The following ST7 variants were observed in gnomAD, a reference collection of about 807,000 sequenced individuals.
The protein encoded by ST7 is suppression of tumorigenicity 7.
ST7 carries 28 observed loss-of-function variants against 78.7 expected under a neutral mutation model. The observed-to-expected ratio is 0.36, with a 90% CI of 0.26 to 0.49. The LOEUF (loss-of-function observed/expected upper bound fraction) is 0.49, where lower values mean the gene tolerates loss of function less well. ST7 is among the 20% of genes least tolerant of loss of function. ST7 has a pLI of 0.99. For synonymous variants in ST7, 247 were observed against 249.6 expected (o/e 0.99, Z 0.10); for missense variants, 418 against 696.0 (o/e 0.60, Z 4.49).
At chr7:116,966,287 G>A (rs1793111654) in intron 1 of ST7, among the ~76,000 whole-genome samples, 1 of 118,632 alleles carries the variant, frequency 8.4e-6, no homozygotes, top group Non-Finnish European at 1.6e-5. Context: ...GTCTTCCTCT[G>A]TCACCAGGGC....
chr7:117,013,610 C>T (rs991747823), intron 1 of ST7, among the ~76,000 whole-genome samples: 1 of 152,146 alleles, frequency 6.6e-6, no homozygotes, highest in Admixed American at 6.5e-5. Context: ...GGCGGATAAC[C>T]TAAGGTTAGG....
chr7:117,130,679 A>C, intron 5 of ST7, 73 bp downstream of exon 5: 1 of 1,064,960 alleles, frequency 9.4e-7, no homozygotes, highest in Non-Finnish European at 1.4e-6. Flanking sequence ...TGCTTTTAGA[A>C]TATCCACTCT....
At chr7:117,001,397 A>G (rs531254316) in intron 1 of ST7, among the ~76,000 whole-genome samples, 1 of 152,346 alleles carries the variant, frequency 6.6e-6, no homozygotes, top group South Asian at 2.1e-4. Context: ...GCTGTTTTCT[A>G]TTATGGTCCC....
intron 1 of ST7, among the ~76,000 whole-genome samples, chr7:117,064,433 G>A (rs1202462022): frequency 6.6e-6 from 1 of 152,104 alleles, no homozygotes; most frequent in Admixed American, 6.5e-5. Context: ...ATTAACTTGA[G>A]AAAAGTCCCA....
At chr7:117,207,881 T>C (rs2116000836) in intron 12 of ST7, among the ~76,000 whole-genome samples, 2 of 152,284 alleles carry the variant, frequency 1.3e-5, no homozygotes, top group South Asian at 4.1e-4. Context: ...TGCTCTTCCT[T>C]ATCCAACTTA....
At chr7:117,217,675 T>C (rs1792795658) in intron 13 of ST7, among the ~76,000 whole-genome samples, 1 of 152,242 alleles carries the variant, frequency 6.6e-6, no homozygotes, top group Non-Finnish European at 1.5e-5. Context: ...CCTTTCATTT[T>C]AAGCAGAGTT....
chr7:117,060,890 C>T (rs1234081263), intron 1 of ST7, among the ~76,000 whole-genome samples: 3 of 152,062 alleles, frequency 2.0e-5, no homozygotes. Context: ...CCTGTAATCC[C>T]AGCTATTCAG....
intron 1 of ST7, among the ~76,000 whole-genome samples, chr7:116,961,011 T>C (rs1211448501): frequency 6.6e-6 from 1 of 152,246 alleles, no homozygotes; most frequent in Non-Finnish European, 1.5e-5. Flanking sequence ...AGGGGTCCAC[T>C]TTCAATCTTT....
intron 1 of ST7, among the ~76,000 whole-genome samples, chr7:116,988,457 CAG>C (rs1241792388): frequency 1.3e-5 from 2 of 152,152 alleles, no homozygotes; most frequent in Non-Finnish European, 2.9e-5. Flanking sequence ...CTGTATTTTT[CAG>C]AGAGTCCTTT....
At chr7:117,178,069 C>G (rs578034714) in intron 10 of ST7, among the ~76,000 whole-genome samples, 4 of 152,158 alleles carry the variant, frequency 2.6e-5, no homozygotes, top group Admixed American at 2.6e-4. Flanking sequence ...ATAGGAGCTT[C>G]AAGTGTATCT....
At chr7:117,168,568 T>G (rs1357015929) in intron 9 of ST7, among the ~76,000 whole-genome samples, 1 of 152,164 alleles carries the variant, frequency 6.6e-6, no homozygotes, top group Non-Finnish European at 1.5e-5. Context: ...CAAGAAATAC[T>G]TTTATTGGTT....
chr7:117,224,836 C>T (rs193595), intron 15 of ST7, among the ~76,000 whole-genome samples: 106,724 of 152,132 alleles, frequency 0.7, 37,926 homozygotes, highest in East Asian at 0.93. Context: ...GCTGAACCTT[C>T]GAGCAGCCAC....
chr7:117,166,050 CAGTTT>C (rs960066268), intron 9 of ST7, among the ~76,000 whole-genome samples: 1 of 151,952 alleles, frequency 6.6e-6, no homozygotes, highest in African/African-American at 2.4e-5. Context: ...TCCCCCTCCC[CAGTTT>C]ATAGAATGAA....
chr7:117,152,202 T>TATATATATATAC (rs1717410179), intron 9 of ST7, among the ~76,000 whole-genome samples: 3 of 76,208 alleles, frequency 3.9e-5, no homozygotes, highest in African/African-American at 1.5e-4. Context: ...TATATATATA[T>TATATATATATAC]ATATATATAT....
Position 117,098,803 on chromosome 7 carries a change from C to T in ST7, c.152-959C>T, listed in dbSNP as rs1384220090. On this transcript the variant is annotated intron_variant, in intron 1 of 15. Coordinates refer to ENST00000323984, the MANE Select transcript of ST7 (RefSeq NM_001369598.1). ...TTCAGTAAAGAAATGTGAATACTCCCACAAAAAGCCCAGTAAGTATGTGGT... is the reference window on the plus strand; with the variant it reads ...TTCAGTAAAGAAATGTGAATACTCCTACAAAAAGCCCAGTAAGTATGTGGT... The T allele has an allele frequency of 2.3e-6, 3 of 1,301,740 alleles. No homozygotes were observed. The African/African-American group carries it at 4.6e-5, about 20-fold the overall frequency. 80.6% of individuals were successfully genotyped at this position (1,301,740 alleles called of 1,614,324 possible). A position where few individuals can be genotyped will look rare whatever the true frequency, so the allele number is the denominator to read the frequency against.
At chr7:117,152,724 C>A (rs1254123620) in intron 9 of ST7, among the ~76,000 whole-genome samples, 1 of 152,126 alleles carries the variant, frequency 6.6e-6, no homozygotes, top group Non-Finnish European at 1.5e-5. Flanking sequence ...ATAGAGCCTT[C>A]ACAAGTGGAT....
At chr7:117,077,844 CTT>C (rs1186348708) in intron 1 of ST7, among the ~76,000 whole-genome samples, 86 of 120,880 alleles carry the variant, frequency 7.1e-4, no homozygotes, top group African/African-American at 1.3e-3. Flanking sequence ...TGATTTCTTT[CTT>C]TTTTTTTTTT....
chr7:117,082,017 G>A (rs1397798206), intron 1 of ST7, among the ~76,000 whole-genome samples: 1 of 152,148 alleles, frequency 6.6e-6, no homozygotes, highest in East Asian at 1.9e-4. Flanking sequence ...TTGTGTCTAA[G>A]CTGAAGCGGC....
intron 2 of ST7, among the ~76,000 whole-genome samples, chr7:117,105,219 C>G (rs1408131593): frequency 1.3e-5 from 2 of 152,110 alleles, no homozygotes; most frequent in African/African-American, 4.8e-5. Context: ...AAGCCAAGTA[C>G]AGAAAGACAT....
Sources: allele counts gnomAD v4.1 joint callset (sites outside exome capture counted in the v4.1 genomes callset), GRCh38; gene constraint gnomAD v4.1.1; transcripts MANE v1.5; gene names NCBI Gene and HGNC (gene_info 2026-07-23, HGNC 2026-07-21).